Variants in CLN5 observed in about 807,000 individuals in gnomAD.
The protein encoded by CLN5 is CLN5 lysosomal BMP synthase, also known as bis(monoacylglycero)phosphate synthase CLN5.
CLN5 carries 34 observed loss-of-function variants against 36.7 expected under a neutral mutation model. The observed-to-expected ratio is 0.93, with a 90% CI of 0.71 to 1.23. The LOEUF (loss-of-function observed/expected upper bound fraction) is 1.23. Ranked by LOEUF, CLN5 falls within the 50% of genes most tolerant of loss-of-function variation. CLN5 has a pLI of 0.00. For missense variants in CLN5, 427 were observed against 439.4 expected (o/e 0.97, Z 0.25); for synonymous variants, 151 against 155.1 (o/e 0.97, Z 0.20).
chr13:76,994,510 A>G (rs117193001), intron 1 of CLN5: 1,967 of 157,380 alleles, frequency 0.012, 21 homozygotes, highest in Non-Finnish European at 0.019. Flanking sequence ...TTACTTGTTC[A>G]GTGTCTTTCC....
At chr13:77,000,383 TAAA>T (rs58476086) in intron 3 of CLN5, 72 bp from the exon 4 acceptor site, 3,702 of 1,165,606 alleles carry the variant, frequency 3.2e-3, no homozygotes, top group Middle Eastern at 4.8e-3. Flanking sequence ...AGACCTGTCT[TAAA>T]AAAAAAAAAA....
Position 77,001,307 on chromosome 13 carries a change from C to T in CLN5, c.*338C>T. ...TGTGCCCAGATTTTAAAAATACCTT[C>T]AAAAATAAAAAATACATTCAGTGAC... On this transcript the variant is annotated 3_prime_UTR_variant, in exon 4 of 4. Transcript: ENST00000377453. 1 of 167,130 alleles carries T rather than the reference C, an allele frequency of 6.0e-6. No individual in the cohort carries two copies. The allele number at this position is 167,130 out of a possible 1,614,324, so 10.4% of individuals were successfully genotyped here.
rs1131691423 is a variant in CLN5 at position 76,992,240 on chromosome 13, C to A, written c.142C>A (p.Pro48Thr). ...GGGCTGGTCCCGGGTCTCGGGCATC[C>A]CCTCCCGGCGCCACTGGCCGGTGCC... ...VPGWSRVSGI[P>T]SRRHWPVPYK... Residue 48 changes from proline (P) to threonine (T), a missense_variant, in exon 1 of 4, where the codon CCC becomes ACC. Coordinates refer to ENST00000377453, the MANE Select transcript of CLN5 (RefSeq NM_006493.4). 3 of 1,588,626 alleles carry A rather than the reference C, an allele frequency of 1.9e-6. No homozygotes were observed. The highest frequency in any genetic ancestry group is 1.1e-5 in the South Asian group (1 of 89,016).
chr13:76,995,873 G>A, intron 2 of CLN5, 29 bp from the exon 3 acceptor site: 1 of 1,573,034 alleles, frequency 6.4e-7, no homozygotes, highest in Non-Finnish European at 8.8e-7. Context: ...TGTCACAGTT[G>A]CTTTTATACA....
intron 1 of CLN5, chr13:76,992,765 A>G (rs1200426493): frequency 6.3e-6 from 1 of 157,700 alleles, no homozygotes; most frequent in African/African-American, 2.4e-5. Context: ...TGCCCTCAAA[A>G]GTCGCGCATC....
chr13:76,996,162 G>A, intron 3 of CLN5, 35 bp downstream of exon 3: 1 of 1,517,444 alleles, frequency 6.6e-7, no homozygotes, highest in Non-Finnish European at 9.2e-7. Context: ...TTTGATCATT[G>A]CATCAAAAAC....
intron 3 of CLN5, chr13:76,996,560 C>G (rs1413776610): frequency 1.6e-5 from 3 of 192,178 alleles, no homozygotes; most frequent in African/African-American, 7.2e-5. Context: ...GTTTTCTATT[C>G]CTGAAGAGTT....
intron 3 of CLN5, chr13:76,999,299 T>C (rs1298106268): frequency 1.3e-5 from 2 of 152,196 alleles, no homozygotes; most frequent in South Asian, 2.1e-4. Context: ...GATGCAGTGT[T>C]TGGGGCCCAG....
rs530381028 is a variant in CLN5, at chr13:76,992,131, C to G, written c.33C>G (p.Ala11=). ...AGGAGGTAGACACGGCACAGGGCGCCGAGATGCGGCGGGGCGCGGGCGCGG... is the reference window on the plus strand; with the variant it reads ...AGGAGGTAGACACGGCACAGGGCGCGGAGATGCGGCGGGGCGCGGGCGCGG... MAQEVDTAQG[A]EMRRGAGAAR... Residue 11 remains alanine (A), a synonymous_variant, in exon 1 of 4, where the codon GCC becomes GCG. Coordinates refer to ENST00000377453, the MANE Select transcript of CLN5 (RefSeq NM_006493.4). 6 of 1,610,002 alleles carry G rather than the reference C, an allele frequency of 3.7e-6. No individual in the cohort carries two copies. The highest frequency in any genetic ancestry group is 2.2e-5 in the East Asian group (1 of 44,736).
chr13:76,995,697 T>C (rs1266141514), intron 2 of CLN5: 17 of 620,492 alleles, frequency 2.7e-5, no homozygotes, highest in Non-Finnish European at 4.6e-5. Context: ...ATGAGCCAAA[T>C]AGGGGTGTAG....
At chr13:76,993,628 TC>T (rs972934912) in intron 1 of CLN5, 31 of 152,200 alleles carry the variant, frequency 2.0e-4, no homozygotes, top group African/African-American at 6.3e-4. Flanking sequence ...TTTATTAAGT[TC>T]ACACTTAAAT....
chr13:76,992,294 T>C, intron 1 of CLN5, 23 bp downstream of exon 1: 1 of 1,516,792 alleles, frequency 6.6e-7, no homozygotes, highest in Non-Finnish European at 8.8e-7. Context: ...GCGCGCGCAC[T>C]GTCGGGGTTG....
In CLN5 at chr13:77,000,754, A is replaced by G. The variant is rs1196811295; in HGVS notation, c.862A>G (p.Ile288Val). 6.2e-7 allele frequency: 1 copy of G among 1,614,136 alleles called. No homozygotes were observed. The highest frequency in any genetic ancestry group is 8.5e-7 in the Non-Finnish European group (1 of 1,179,998). Reference sequence around the variant, plus strand: ...AGGAAACAAGACTCTTGGTTTAGCCATAAAAAGATTTTATTACCCCTTCAA... The same window carrying G: ...AGGAAACAAGACTCTTGGTTTAGCCGTAAAAAGATTTTATTACCCCTTCAA... ...PTGNKTLGLA[I>V]KRFYYPFKPH... is the part of the protein sequence containing the mutation. The change falls in exon 4 of 4, where the codon ATA becomes GTA. Residue 288 changes from isoleucine (I) to valine (V), a missense_variant. Ile to Val is a conservative substitution (Grantham distance 29, BLOSUM62 3). Transcript: ENST00000377453.
intron 2 of CLN5, 193 bp from the exon 3 acceptor site, chr13:76,995,708 TG>T: frequency 1.6e-6 from 1 of 638,700 alleles, no homozygotes; most frequent in Non-Finnish European, 2.8e-6. Flanking sequence ...AGGGGTGTAG[TG>T]GCCAAAGCTG....
At chr13:76,994,980 A>C (rs1350108582) in intron 1 of CLN5, 83 bp from the exon 2 acceptor site, 6 of 1,362,072 alleles carry the variant, frequency 4.4e-6, no homozygotes, top group Non-Finnish European at 6.2e-6. Flanking sequence ...TGGTCCCCTA[A>C]AAATGTTACT....
intron 3 of CLN5, 55 bp from the exon 4 acceptor site, chr13:77,000,403 A>AG: frequency 1.4e-6 from 2 of 1,480,588 alleles, no homozygotes; most frequent in Non-Finnish European, 1.8e-6. Context: ...AAAAAAAAAA[A>AG]TTAACATGAT....
At chr13:76,992,719 A>G (rs2034202048) in intron 1 of CLN5, 1 of 175,430 alleles carries the variant, frequency 5.7e-6, no homozygotes, top group Non-Finnish European at 1.2e-5. Flanking sequence ...CCTGATCAGA[A>G]CCTGATCCGA....
intron 3 of CLN5, chr13:76,999,526 C>G (rs141549616): frequency 1.3e-5 from 2 of 152,422 alleles, no homozygotes; most frequent in East Asian, 3.9e-4. Context: ...AGCATCCCAG[C>G]AACTCCAAGT....
At position 77,004,340 on chromosome 13, in the gene CLN5, A is replaced by AACAGGCTGGC. The variant is rs2034413886; in HGVS notation, c.*3372_*3381dup. 1 of 152,246 alleles carries AACAGGCTGGC rather than the reference A, an allele frequency of 6.6e-6. No individual in the cohort carries two copies. The highest frequency in any genetic ancestry group is 2.1e-4 in the South Asian group (1 of 4,836). The allele number at this position is 152,246 out of a possible 1,614,324, so 9.4% of individuals were successfully genotyped here. On this transcript the variant is annotated 3_prime_UTR_variant, in exon 4 of 4. Coordinates refer to ENST00000377453, the MANE Select transcript of CLN5 (RefSeq NM_006493.4). ...TGCTTTTTCCCTGTTCACAAAGGCA[A>AACAGGCTGGC]ACAGGCTGGCCAAAGTGTTTCCAGC...
Sources: allele counts gnomAD v4.1 joint callset, GRCh38; gene constraint gnomAD v4.1.1; transcripts MANE v1.5; gene names NCBI Gene and HGNC (gene_info 2026-07-23, HGNC 2026-07-21).